ACOT1: variants seen among roughly 807,000 people sequenced by gnomAD.
ACOT1 encodes acyl-CoA thioesterase 1, also known as acyl-coenzyme A thioesterase 1.
ACOT1 carries 8 observed loss-of-function variants against 15.7 expected under a neutral mutation model. The observed-to-expected ratio is 0.51, with a 90% confidence interval of 0.30 to 0.92. The LOEUF is 0.92. Among genes scored for constraint, ACOT1 ranks in the 40% least tolerant of loss-of-function variants. The probability of loss-of-function intolerance (pLI) is 0.06; values close to 1 mark genes in which losing one functional copy is unlikely to be tolerated. For missense variants in ACOT1, 151 were observed against 539.4 expected (o/e 0.28, Z 7.13); for synonymous variants, 67 against 241.2 (o/e 0.28, Z 6.69).
the ACOT1 span, chr14:73,511,969 T>C: frequency 1.2e-6 from 2 of 1,613,138 alleles, no homozygotes; most frequent in East Asian, 4.5e-5. Flanking sequence ...CTTTATGAGT[T>C]GCTTATGTTC....
the ACOT1 span, among the ~76,000 whole-genome samples, chr14:73,523,709 G>A: frequency 8.5e-5 from 13 of 152,188 alleles, no homozygotes; most frequent in African/African-American, 3.1e-4. Context: ...TCCTCTACAT[G>A]AAATGGCCTT....
the ACOT1 span, chr14:73,503,091 T>C: frequency 8.5e-7 from 1 of 1,181,004 alleles, no homozygotes; most frequent in Non-Finnish European, 1.3e-6. Context: ...TGTTTTTTCT[T>C]CTTTTTTTAC....
the ACOT1 span, chr14:73,491,948 T>G: frequency 6.2e-7 from 1 of 1,613,762 alleles, no homozygotes; most frequent in Non-Finnish European, 8.5e-7. Flanking sequence ...TGTGTGGCAG[T>G]TTTTGGCTGT....
chr14:73,505,634 C>T, the ACOT1 span, among the ~76,000 whole-genome samples: 1 of 151,974 alleles, frequency 6.6e-6, no homozygotes. Context: ...GAGCTCTGAT[C>T]CACCTGCCTT....
the ACOT1 span, chr14:73,491,688 A>G: frequency 1.3e-6 from 2 of 1,549,684 alleles, no homozygotes; most frequent in Non-Finnish European, 1.7e-6. Flanking sequence ...CGCCTATGGG[A>G]GCGCGAGGCG....
chr14:73,506,807 T>TTTTTTTTTTTTTTTTTTTTG, the ACOT1 span, among the ~76,000 whole-genome samples: 7 of 102,306 alleles, frequency 6.8e-5, no homozygotes, highest in South Asian at 2.3e-3. Context: ...TTTAACTGTT[T>TTTTTTTTTTTTTTTTTTTTG]TTTTTTTTTT....
At chr14:73,505,873 A>G in the ACOT1 span, among the ~76,000 whole-genome samples, 1 of 149,874 alleles carries the variant, frequency 6.7e-6, no homozygotes, top group Non-Finnish European at 1.5e-5. Flanking sequence ...GGCAATATCA[A>G]ATTACTATAA....
chr14:73,492,592 G>C, the ACOT1 span: 34 of 1,613,836 alleles, frequency 2.1e-5, no homozygotes, highest in Non-Finnish European at 2.8e-5. The surrounding 1 kb of genome is among the most constrained non-coding windows in gnomAD (Gnocchi z 4.9). Flanking sequence ...GTGTTTACGG[G>C]CTTCCAATTC....
chr14:73,531,358 G>C, the ACOT1 span: 10 of 111,780 alleles, frequency 8.9e-5, 3 homozygotes, highest in African/African-American at 2.3e-4. Flanking sequence ...TGTAAACTGA[G>C]CTGTGAGAAA....
At chr14:73,532,740 G>T (rs1406945933), upstream of ACOT1, among the ~76,000 whole-genome samples, 13 of 114,404 alleles carry the variant, frequency 1.1e-4, 3 homozygotes, top group Non-Finnish European at 2.1e-4. Flanking sequence ...AGATCACAAG[G>T]TCAGGAGATT....
At chr14:73,512,384 CTCTT>C in the ACOT1 span, among the ~76,000 whole-genome samples, 1 of 152,184 alleles carries the variant, frequency 6.6e-6, no homozygotes, top group East Asian at 1.9e-4. Flanking sequence ...GTATCTATCT[CTCTT>C]TCTTTAAATC....
At chr14:73,491,027 C>T in the ACOT1 span, 51 of 1,546,006 alleles carry the variant, frequency 3.3e-5, 1 homozygote, top group South Asian at 6.0e-4. Context: ...CATGGATGGG[C>T]TCCAGGCCAG....
At chr14:73,519,579 T>C in the ACOT1 span, among the ~76,000 whole-genome samples, 1 of 151,658 alleles carries the variant, frequency 6.6e-6, no homozygotes, top group Admixed American at 6.6e-5. Context: ...CCCCCGTCTC[T>C]ACAAAAAATA....
the ACOT1 span, chr14:73,520,778 C>T: frequency 2.9e-6 from 4 of 1,395,960 alleles, no homozygotes; most frequent in Non-Finnish European, 4.0e-6. Flanking sequence ...CAACTGTTTC[C>T]AGCCCCCAGC....
the ACOT1 span, among the ~76,000 whole-genome samples, chr14:73,503,899 T>A: frequency 6.6e-6 from 1 of 152,148 alleles, no homozygotes; most frequent in Admixed American, 6.6e-5. Context: ...TGCCATGAAG[T>A]CCTCATCATC....
the ACOT1 span, chr14:73,508,301 C>T: frequency 1.9e-6 from 3 of 1,612,880 alleles, no homozygotes; most frequent in African/African-American, 2.7e-5. Flanking sequence ...TTACCTGCCA[C>T]AGTTGGGTGA....
chr14:73,496,553 T>A, the ACOT1 span: 1 of 1,182,440 alleles, frequency 8.5e-7, no homozygotes, highest in Non-Finnish European at 1.3e-6. Flanking sequence ...TGAGGAACTC[T>A]TGAGAGTCCT....
chr14:73,523,175 C>A, the ACOT1 span: 1 of 1,547,226 alleles, frequency 6.5e-7, no homozygotes, highest in Non-Finnish European at 8.7e-7. Flanking sequence ...CAAATGCTTC[C>A]TTCCACACTG....
At chr14:73,499,137 G>A in the ACOT1 span, 1 of 1,614,022 alleles carries the variant, frequency 6.2e-7, no homozygotes, top group Non-Finnish European at 8.5e-7. Context: ...AGGCATTCAA[G>A]CACCTGGGAT....
Sources: gnomAD v4.1 joint callset for allele counts (sites outside exome capture counted in the v4.1 genomes callset) on GRCh38, gnomAD v4.1.1 for gene constraint, Gnocchi (gnomAD v3.1) non-coding constraint, MANE v1.5 for transcripts, NCBI Gene and HGNC (gene_info 2026-07-23, HGNC 2026-07-21) for gene names.